The following RIF1 variants were observed in gnomAD, a reference collection of about 807,000 sequenced individuals.
RIF1 encodes replication timing regulatory factor 1, also known as telomere-associated protein RIF1.
A neutral mutation model predicts 247.1 loss-of-function variants in RIF1; 45 were observed. The ratio of observed to expected loss-of-function variants is 0.18; its 90% confidence interval spans 0.14 to 0.23. RIF1 has a LOEUF of 0.23. Among genes scored for constraint, RIF1 ranks in the 10% least tolerant of loss-of-function variants. RIF1 has a pLI of 1.00. For missense variants in RIF1, 2,967 were observed against 2,862.5 expected (o/e 1.04, Z -0.83); for synonymous variants, 1,087 against 978.8 (o/e 1.11, Z -2.06).
chr2:151,493,952 G>A (rs1224344409), intron 9 of RIF1: 17 of 1,001,838 alleles, frequency 1.7e-5, no homozygotes, highest in Non-Finnish European at 2.5e-5. Flanking sequence ...GAAATGTTAT[G>A]TTTAATCTAT....
chr2:151,492,430 G>A, intron 9 of RIF1: 2 of 1,612,404 alleles, frequency 1.2e-6, no homozygotes, highest in Non-Finnish European at 1.7e-6. Context: ...TCTCATCTCG[G>A]GGGTATCCAA....
intron 8 of RIF1, among the ~76,000 whole-genome samples, chr2:151,425,614 A>G (rs1006363612): frequency 2.0e-5 from 3 of 149,174 alleles, no homozygotes; most frequent in Non-Finnish European, 4.4e-5. Flanking sequence ...AGATTCCTCA[A>G]TATCTTTTAC....
intron 30 of RIF1, among the ~76,000 whole-genome samples, chr2:151,467,221 C>A (rs545327003): frequency 5.3e-5 from 8 of 151,698 alleles, no homozygotes; most frequent in Non-Finnish European, 1.5e-5. Context: ...GAGCGAGACT[C>A]TCAAAAAAAG....
In RIF1 at chr2:151,474,057, G is replaced by A; in HGVS notation, c.7189G>A (p.Glu2397Lys). ...IENKSLSPDE[E>K]RLVSDIIDPV... is the part of the protein sequence containing the mutation. ...AAATAAATCTTTGTCACCTGATGAA[G>A]AAAGACTTGTCTCAGGTATATTTTA... The change falls in exon 35 of 36, where the codon GAA (glutamate) becomes AAA (lysine). Residue 2397 changes from glutamate (E) to lysine (K), a missense_variant. Physicochemically the swap from Glu to Lys is moderately conservative, Grantham distance 56. Transcript: ENST00000444746. The A allele has an allele frequency of 1.3e-6, 2 of 1,503,358 alleles. No homozygotes were observed. Among genetic ancestry groups the A allele is most frequent in the Non-Finnish European group, 1.8e-6 (2 of 1,084,206 alleles). 93.1% of individuals were successfully genotyped at this position (1,503,358 alleles called of 1,614,324 possible).
At position 151,465,780 on chromosome 2, in the gene RIF1, C is replaced by G; in HGVS notation, c.6260C>G (p.Thr2087Arg). 3 of 1,612,886 alleles carry G rather than the reference C, an allele frequency of 1.9e-6. No individual in the cohort carries two copies. The highest frequency in any genetic ancestry group is 2.5e-6 in the Non-Finnish European group (3 of 1,178,976). Residue 2087 changes from threonine (T) to arginine (R), a missense_variant, in exon 30 of 36, where the codon ACA (threonine) becomes AGA (arginine). By Grantham distance (71) the Thr-to-Arg change is moderately conservative. Around this residue, in one of 7 missense-constraint regions of RIF1, gnomAD observed 2,028 missense variants for 1,825.6 expected, o/e 1.11. Transcript: ENST00000444746. ...ATCATTGACGCTAATAAAACTGAAA[C>G]AAATACTGAGTATAGTAAATCTGAA... The part of the protein sequence containing the change: ...EGIIDANKTE[T>R]NTEYSKSEEK...
the RIF1 span, chr2:151,526,028 C>T: frequency 1.2e-6 from 2 of 1,613,854 alleles, no homozygotes; most frequent in Non-Finnish European, 1.7e-6. Flanking sequence ...TGTGTATGAG[C>T]CCTGTGCCAA....
Position 151,503,414 on chromosome 2 carries a change from C to T in RIF1, c.*861+229C>T, listed in dbSNP as rs369602540. 16 of 1,612,290 alleles carry T rather than the reference C, an allele frequency of 9.9e-6. No homozygotes were observed. In the African/African-American group the frequency reaches 2.0e-4, roughly 20 times the overall value. ...TCTGGAGTCACAGTGGTTGGAATGC[C>T]TGTTCCCAAGTTTTCTTTGTACATA... On this transcript the variant is annotated intron_variant and NMD_transcript_variant, in intron 12 of 13. Coordinates refer to the RIF1 transcript ENST00000454583.
downstream of RIF1, among the ~76,000 whole-genome samples, chr2:151,511,174 A>G (rs376099069): frequency 1.8e-4 from 28 of 152,358 alleles, no homozygotes; most frequent in South Asian, 5.4e-3. Flanking sequence ...AGGCTCTCAC[A>G]GCCCAAAGAA....
chr2:151,531,157 A>C, the RIF1 span: 6 of 1,174,236 alleles, frequency 5.1e-6, no homozygotes, highest in Non-Finnish European at 7.5e-6. Context: ...GTATAATATC[A>C]AAATATAAAT....
chr2:151,445,283 T>G (rs1693059846), intron 18 of RIF1, 55 bp from the exon 19 acceptor site: 2 of 1,000,040 alleles, frequency 2.0e-6, no homozygotes, highest in African/African-American at 1.6e-5. Flanking sequence ...ATGTTACTAC[T>G]TAGGATTAGA....
At chr2:151,415,271 C>T (rs547102162) in intron 4 of RIF1, among the ~76,000 whole-genome samples, 10 of 144,438 alleles carry the variant, frequency 6.9e-5, no homozygotes, top group East Asian at 4.2e-4. Flanking sequence ...GACGTGAACC[C>T]GGGAGGCGGA....
At chr2:151,505,094 GTATGT>G (rs1043101127) in intron 12 of RIF1, among the ~76,000 whole-genome samples, 2 of 152,040 alleles carry the variant, frequency 1.3e-5, no homozygotes, top group African/African-American at 2.4e-5. Context: ...CAAAACCAAA[GTATGT>G]TATACTACTT....
At position 151,497,007 on chromosome 2, in the gene RIF1, C is replaced by T. The variant is rs1574981537; in HGVS notation, c.*513+1681C>T. 5 of 1,574,710 alleles carry T rather than the reference C, an allele frequency of 3.2e-6. No homozygotes were observed. Among genetic ancestry groups the T allele is most frequent in the Non-Finnish European group, 8.6e-7 (1 of 1,158,086 alleles). Reference sequence around the variant, plus strand: ...CAGGAGTGACAGGTAGAGGGGTTCCCTTGCCCATGTTTTCTTTGTATAACA... The same window carrying T: ...CAGGAGTGACAGGTAGAGGGGTTCCTTTGCCCATGTTTTCTTTGTATAACA... On this transcript the variant is annotated intron_variant and NMD_transcript_variant, in intron 10 of 13. Coordinates refer to the RIF1 transcript ENST00000454583.
At chr2:151,531,942 G>C in the RIF1 span, 10 of 1,241,766 alleles carry the variant, frequency 8.1e-6, no homozygotes, top group African/African-American at 1.5e-4. Context: ...TTGTAGAGTG[G>C]GCTTTAAGGT....
chr2:151,437,132 T>C (rs1002383531), intron 12 of RIF1, 109 bp from the exon 13 acceptor site: 42 of 1,230,384 alleles, frequency 3.4e-5, no homozygotes, highest in Non-Finnish European at 4.6e-5. Context: ...ATGAATCTTT[T>C]TTTTATAGAA....
downstream of RIF1, among the ~76,000 whole-genome samples, chr2:151,482,908 G>A (rs2049226516): frequency 6.6e-6 from 1 of 152,038 alleles, no homozygotes; most frequent in African/African-American, 2.4e-5. Context: ...GGCCATTTTT[G>A]ACAGGTAGAG....
intron 20 of RIF1, 146 bp from the exon 21 acceptor site, chr2:151,451,460 G>A: frequency 1.7e-6 from 1 of 584,680 alleles, no homozygotes; most frequent in Non-Finnish European, 3.1e-6. Context: ...GCCGTGGGTG[G>A]CTGCACTTAA....
chr2:151,520,733 G>A, the RIF1 span, among the ~76,000 whole-genome samples: 1 of 151,784 alleles, frequency 6.6e-6, no homozygotes, highest in African/African-American at 2.4e-5. Context: ...GCATTGTGGT[G>A]CACCCCTGTA....
intron 23 of RIF1, among the ~76,000 whole-genome samples, 168 bp from the exon 24 acceptor site, chr2:151,457,593 A>G (rs1695424698): frequency 6.6e-6 from 1 of 152,180 alleles, no homozygotes. Flanking sequence ...TTAATAACCA[A>G]AGCAAATTCA....
Sources: gnomAD v4.1 joint callset for allele counts (sites outside exome capture counted in the v4.1 genomes callset) on GRCh38, gnomAD v4.1.1 for gene constraint, gnomAD v4.1.1 regional missense constraint, MANE v1.5 for transcripts, NCBI Gene and HGNC (gene_info 2026-07-23, HGNC 2026-07-21) for gene names.